PEX5L: variants seen among roughly 807,000 people sequenced by gnomAD.
PEX5L encodes peroxisomal biogenesis factor 5 like, also known as PEX5-related protein.
A neutral mutation model predicts 84.0 loss-of-function variants in PEX5L; 30 were observed. The ratio of observed to expected loss-of-function variants is 0.36; its 90% CI spans 0.27 to 0.48. The LOEUF is 0.48. PEX5L is among the 20% of genes least tolerant of loss of function. PEX5L has a pLI of 0.99. For missense variants in PEX5L, 533 were observed against 754.6 expected, an observed-to-expected ratio of 0.71 and a Z score of 3.44; for synonymous variants, 270 against 283.1, an observed-to-expected ratio of 0.95 and a Z score of 0.46.
chr3:179,873,139 A>G (rs887954772), intron 7 of PEX5L, among the ~76,000 whole-genome samples: 1 of 152,120 alleles, frequency 6.6e-6, no homozygotes, highest in Non-Finnish European at 1.5e-5. Context: ...TCTCTCTGCC[A>G]CTTACTAGTT....
At chr3:179,976,209 C>A (rs949598523) in intron 1 of PEX5L, among the ~76,000 whole-genome samples, 10 of 152,096 alleles carry the variant, frequency 6.6e-5, no homozygotes, top group African/African-American at 2.4e-4. Context: ...GGAATACAGT[C>A]AAAGGAAACA....
intron 3 of PEX5L, among the ~76,000 whole-genome samples, chr3:179,896,459 C>T (rs889747093): frequency 2.6e-5 from 4 of 151,980 alleles, no homozygotes; most frequent in African/African-American, 9.7e-5. Flanking sequence ...AAACAAATGT[C>T]CTGGATATGA....
intron 8 of PEX5L, 141 bp from the exon 9 acceptor site, chr3:179,820,117 A>G: frequency 8.3e-7 from 1 of 1,204,062 alleles, no homozygotes; most frequent in Non-Finnish European, 1.2e-6. Flanking sequence ...GGCGTGGCTG[A>G]AGAGCTTCTG....
intron 2 of PEX5L, among the ~76,000 whole-genome samples, chr3:179,899,740 T>G (rs1295697335): frequency 6.6e-6 from 1 of 152,200 alleles, no homozygotes; most frequent in Non-Finnish European, 1.5e-5. Context: ...AAAGTTTGTT[T>G]CTTTGTTTTG....
chr3:179,922,012 A>G (rs1003011716), intron 2 of PEX5L: 2 of 152,134 alleles, frequency 1.3e-5, no homozygotes, highest in African/African-American at 4.8e-5. Flanking sequence ...TTGCATTCAC[A>G]TAATTATCTC....
intron 2 of PEX5L, among the ~76,000 whole-genome samples, chr3:179,940,341 G>C (rs1274482813): frequency 4.6e-5 from 7 of 152,018 alleles, no homozygotes; most frequent in African/African-American, 1.7e-4. Flanking sequence ...GAGGTGGTGA[G>C]AGAGAGAGAA....
intron 11 of PEX5L, among the ~76,000 whole-genome samples, chr3:179,811,217 ATGTGTGTG>A (rs59791968): frequency 0.15 from 22,575 of 150,120 alleles, 1,856 homozygotes; most frequent in South Asian, 0.19. Flanking sequence ...TATGGAATGT[ATGTGTGTG>A]TGTGTGTGTG....
chr3:179,888,111 A>G (rs1325236556), intron 3 of PEX5L: 1 of 1,284,052 alleles, frequency 7.8e-7, no homozygotes, highest in Admixed American at 2.3e-5. Flanking sequence ...GGCCAATCCC[A>G]CTCCTCACCT....
intron 8 of PEX5L, among the ~76,000 whole-genome samples, chr3:179,844,595 G>A (rs1007383105): frequency 2.6e-5 from 4 of 152,194 alleles, no homozygotes; most frequent in South Asian, 2.1e-4. Context: ...TTGGGAGGCC[G>A]AGGCGGGCGG....
At chr3:179,827,082 C>T (rs10513765) in intron 8 of PEX5L, among the ~76,000 whole-genome samples, 84,307 of 152,000 alleles carry the variant, frequency 0.55, 23,980 homozygotes, top group East Asian at 0.73. Flanking sequence ...TTTTCTTTGA[C>T]AGTCGATTGC....
chr3:179,890,872 T>C (rs1326936102), intron 3 of PEX5L, among the ~76,000 whole-genome samples: 1 of 151,828 alleles, frequency 6.6e-6, no homozygotes. Flanking sequence ...AAAAGTAAAA[T>C]GTTTGTTAAC....
At chr3:179,950,715 A>C (rs1003711493) in intron 2 of PEX5L, among the ~76,000 whole-genome samples, 1 of 152,136 alleles carries the variant, frequency 6.6e-6, no homozygotes, top group East Asian at 1.9e-4. Flanking sequence ...TGTGGAAACA[A>C]AGGTAAGATC....
chr3:179,824,934 C>A (rs1241984354), intron 8 of PEX5L, among the ~76,000 whole-genome samples: 2 of 152,170 alleles, frequency 1.3e-5, no homozygotes, highest in Non-Finnish European at 2.9e-5. Flanking sequence ...GAGCTCAATA[C>A]TAGTTGAAGA....
At chr3:179,847,964 T>C (rs1376393730) in intron 8 of PEX5L, among the ~76,000 whole-genome samples, 1 of 146,300 alleles carries the variant, frequency 6.8e-6, no homozygotes, top group Non-Finnish European at 1.5e-5. Flanking sequence ...TTCCAACGTT[T>C]GGGTATTTTT....
chr3:179,853,638 G>A (rs544525517), intron 8 of PEX5L, among the ~76,000 whole-genome samples: 1 of 152,264 alleles, frequency 6.6e-6, no homozygotes, highest in Non-Finnish European at 1.5e-5. Context: ...CATAGAGGAA[G>A]CTCCTCTCTC....
At chr3:179,859,696 T>C (rs1577702725) in intron 7 of PEX5L, among the ~76,000 whole-genome samples, 2 of 152,226 alleles carry the variant, frequency 1.3e-5, no homozygotes, top group East Asian at 3.8e-4. Context: ...GTTGGCACTG[T>C]CTTATGTCTC....
intron 1 of PEX5L, among the ~76,000 whole-genome samples, chr3:180,008,028 C>A (rs1789083647): frequency 6.6e-6 from 1 of 151,874 alleles, no homozygotes; most frequent in African/African-American, 2.4e-5. Flanking sequence ...AAATTTCTCC[C>A]CAGAAAATGC....
chr3:179,866,103 G>A (rs1284459685), intron 7 of PEX5L, among the ~76,000 whole-genome samples: 53 of 152,112 alleles, frequency 3.5e-4, no homozygotes, highest in Admixed American at 3.5e-3. Flanking sequence ...CCTAACTGTT[G>A]ATTGTTCTGA....
At chr3:179,882,757 G>A (rs1473988323) in intron 4 of PEX5L, among the ~76,000 whole-genome samples, 2 of 152,138 alleles carry the variant, frequency 1.3e-5, no homozygotes, top group Non-Finnish European at 2.9e-5. Context: ...TCAGGCACAT[G>A]AAGTTTTGGG....
Sources: allele counts gnomAD v4.1 joint callset (sites outside exome capture counted in the v4.1 genomes callset), GRCh38; gene constraint gnomAD v4.1.1; transcripts MANE v1.5; gene names NCBI Gene and HGNC (gene_info 2026-07-23, HGNC 2026-07-21).